DHRS9: variants seen among roughly 807,000 people sequenced by gnomAD.
DHRS9 encodes dehydrogenase/reductase SDR family member 9.
In DHRS9, 18 loss-of-function variants were observed where a neutral mutation model predicts 26.6. The ratio of observed to expected loss-of-function variants is 0.68; its 90% CI spans 0.47 to 1.00. The LOEUF is 1.00. Among genes scored for constraint, DHRS9 ranks in the 50% least tolerant of loss-of-function variants. DHRS9 has a pLI of 0.00. For synonymous variants in DHRS9, 134 were observed against 141.1 expected (o/e 0.95, Z 0.36); for missense variants, 425 against 378.7 (o/e 1.12, Z -1.01).
Position 169,081,756 on chromosome 2 carries a change from G to T in DHRS9, c.175G>T (p.Ala59Ser). 1 of 1,614,188 alleles carries T rather than the reference G, an allele frequency of 6.2e-7. No individual in the cohort carries two copies. The highest frequency in any genetic ancestry group is 8.5e-7 in the Non-Finnish European group (1 of 1,180,030). Residue 59 changes from alanine to serine, a missense_variant, in exon 2 of 5, where the codon GCC (alanine) becomes TCC (serine). Ala to Ser is a moderately conservative substitution (Grantham distance 99). Transcript: ENST00000674881. Reference protein sequence around the residue: ...FDKKGFHVIAACLTESGSTAL... With the variant: ...FDKKGFHVIASCLTESGSTAL... The stretch of plus-strand genomic sequence containing the variant: ...TAAAAAGGGATTTCATGTAATCGCT[G>T]CCTGTCTGACTGAATCAGGATCAAC...
intron 3 of DHRS9, among the ~76,000 whole-genome samples, chr2:169,088,961 G>A (rs761454860): frequency 2.0e-5 from 3 of 152,138 alleles, no homozygotes; most frequent in Non-Finnish European, 2.9e-5. Flanking sequence ...GCTTCATTCC[G>A]TGGGAGAGAC....
At chr2:169,067,252 C>A, upstream of DHRS9, 1 of 1,535,522 alleles carries the variant, frequency 6.5e-7, no homozygotes, top group Admixed American at 2.0e-5. Context: ...GGACCCACCA[C>A]AGCCTGCACA....
chr2:169,095,419 G>T, intron 4 of DHRS9, 125 bp from the exon 5 acceptor site: 1 of 763,818 alleles, frequency 1.3e-6, no homozygotes. Flanking sequence ...TCCTCAAAAT[G>T]AGCCTCAATT....
intron 1 of DHRS9, among the ~76,000 whole-genome samples, chr2:169,076,716 G>A (rs774598616): frequency 3.9e-5 from 6 of 152,128 alleles, no homozygotes; most frequent in Non-Finnish European, 7.4e-5. Flanking sequence ...GGATTGGGGC[G>A]CCAGTGCCCC....
chr2:169,069,373 T>C (rs1356413658), upstream of DHRS9: 2 of 942,900 alleles, frequency 2.1e-6, no homozygotes, highest in African/African-American at 3.6e-5. Flanking sequence ...ATAAAATGAA[T>C]GTTATTGATC....
chr2:169,069,835 G>T, intron 1 of DHRS9, 118 bp downstream of exon 1: 1 of 898,280 alleles, frequency 1.1e-6, no homozygotes, highest in Non-Finnish European at 1.3e-6. Context: ...GGTCAATGTT[G>T]CTACTTCTTT....
At chr2:169,083,262 T>A in intron 2 of DHRS9, 67 bp from the exon 3 acceptor site, 3 of 1,564,344 alleles carry the variant, frequency 1.9e-6, no homozygotes, top group Non-Finnish European at 2.6e-6. Flanking sequence ...GCAGGGGCTG[T>A]ATTTTCATCA....
chr2:169,078,319 A>G (rs1157009937), intron 1 of DHRS9, among the ~76,000 whole-genome samples: 2 of 152,202 alleles, frequency 1.3e-5, no homozygotes, highest in Non-Finnish European at 2.9e-5. Context: ...TGACAACACA[A>G]AAACTTCCAA....
intron 3 of DHRS9, among the ~76,000 whole-genome samples, chr2:169,090,723 G>A (rs1684493830): frequency 6.6e-6 from 1 of 152,186 alleles, no homozygotes. Context: ...CTGGTTTGCT[G>A]TACAGGTGGT....
chr2:169,084,841 TC>T (rs1374179338), intron 3 of DHRS9, among the ~76,000 whole-genome samples: 1 of 152,192 alleles, frequency 6.6e-6, no homozygotes, highest in Non-Finnish European at 1.5e-5. Context: ...ATTGATGTAA[TC>T]CCATTTGTCC....
At chr2:169,077,853 G>C (rs1684010114) in intron 1 of DHRS9, among the ~76,000 whole-genome samples, 1 of 152,120 alleles carries the variant, frequency 6.6e-6, no homozygotes, top group Admixed American at 6.5e-5. Context: ...TTTCCCCTCT[G>C]GGACCTTGTG....
At chr2:169,089,799 C>G (rs975261932) in intron 3 of DHRS9, among the ~76,000 whole-genome samples, 2 of 152,120 alleles carry the variant, frequency 1.3e-5, no homozygotes, top group Non-Finnish European at 2.9e-5. Flanking sequence ...TTTCAAAATG[C>G]AGATTTTGAT....
chr2:169,094,509 T>C (rs951585646), intron 4 of DHRS9, among the ~76,000 whole-genome samples: 3 of 151,778 alleles, frequency 2.0e-5, no homozygotes, highest in African/African-American at 7.3e-5. Flanking sequence ...CCCAGACCAA[T>C]GTCAAGAAGT....
At chr2:169,075,044 C>T (rs559784068) in intron 1 of DHRS9, among the ~76,000 whole-genome samples, 5 of 152,242 alleles carry the variant, frequency 3.3e-5, no homozygotes, top group East Asian at 3.9e-4. Context: ...TTTGAGCTTT[C>T]GTTCTTCTTT....
At chr2:169,082,733 C>T (rs1427761966) in intron 2 of DHRS9, among the ~76,000 whole-genome samples, 2 of 152,142 alleles carry the variant, frequency 1.3e-5, no homozygotes, top group Admixed American at 1.3e-4. Context: ...CACTCTTTGT[C>T]CATACAGAAC....
At chr2:169,084,467 A>G (rs1290179715) in intron 3 of DHRS9, among the ~76,000 whole-genome samples, 1 of 152,180 alleles carries the variant, frequency 6.6e-6, no homozygotes, top group African/African-American at 2.4e-5. Flanking sequence ...ATAGTGTACG[A>G]GGATTCCCTT....
chr2:169,075,011 A>C (rs1047297677), intron 1 of DHRS9, among the ~76,000 whole-genome samples: 8 of 152,164 alleles, frequency 5.3e-5, no homozygotes, highest in African/African-American at 1.9e-4. Flanking sequence ...ACAAGGAGTA[A>C]AGAGGGAATC....
intron 1 of DHRS9, 81 bp from the exon 2 acceptor site, chr2:169,081,442 A>G (rs1225412600): frequency 7.0e-7 from 1 of 1,424,658 alleles, no homozygotes; most frequent in Non-Finnish European, 9.2e-7. Context: ...AATGCATTAA[A>G]ATATCTCAAA....
At chr2:169,093,142 G>C (rs1684586000) in intron 4 of DHRS9, among the ~76,000 whole-genome samples, 1 of 152,030 alleles carries the variant, frequency 6.6e-6, no homozygotes, top group Admixed American at 6.5e-5. Flanking sequence ...GTTGAGCAGG[G>C]TTCCACCTAA....
Sources: allele counts gnomAD v4.1 joint callset (sites outside exome capture counted in the v4.1 genomes callset), GRCh38; gene constraint gnomAD v4.1.1; transcripts MANE v1.5; gene names NCBI Gene and HGNC (gene_info 2026-07-23, HGNC 2026-07-21).